The following KIFAP3 variants were observed in gnomAD, a reference collection of about 807,000 sequenced individuals.
The protein encoded by KIFAP3 is kinesin-associated protein 3.
A neutral mutation model predicts 106.5 loss-of-function variants in KIFAP3; 68 were observed. That is an observed-to-expected ratio of 0.64 (90% CI 0.53 to 0.78). The LOEUF is 0.78. Among genes scored for constraint, KIFAP3 ranks in the 30% least tolerant of loss-of-function variants. The probability of loss-of-function intolerance (pLI) is 0.00; values close to 1 mark genes in which losing one functional copy is unlikely to be tolerated. For synonymous variants in KIFAP3, 320 were observed against 311.5 expected, an observed-to-expected ratio of 1.03 and a Z score of -0.29; for missense variants, 780 against 941.8, an observed-to-expected ratio of 0.83 and a Z score of 2.25.
intron 19 of KIFAP3, among the ~76,000 whole-genome samples, chr1:169,943,886 T>G (rs1664273936): frequency 6.6e-6 from 1 of 152,244 alleles, no homozygotes; most frequent in African/African-American, 2.4e-5. Context: ...AGTACAAAGC[T>G]GTACCATAAT....
Position 170,016,591 on chromosome 1 carries a change from T to C in KIFAP3, c.1054A>G (p.Met352Val). The C allele has an allele frequency of 6.3e-7, 1 of 1,595,142 alleles. No individual in the cohort carries two copies. Among genetic ancestry groups the C allele is most frequent in the East Asian group, 2.3e-5 (1 of 43,920 alleles). ...EMDIVEKLVK[M>V]IPCEHEDLLN... ...AGGTCTTCATGCTCACAAGGTATCATTTTCACCAGTTTTTCAACAATATCC... is the reference window on the plus strand; with the variant it reads ...AGGTCTTCATGCTCACAAGGTATCACTTTCACCAGTTTTTCAACAATATCC... The change falls in exon 10 of 20, where the codon ATG becomes GTG. Residue 352 changes from methionine to valine, a missense_variant. Met to Val is a conservative substitution (Grantham distance 21, BLOSUM62 1). Around this residue, in one of 3 missense-constraint regions of KIFAP3, gnomAD observed 588 missense variants for 678.9 expected, o/e 0.87. Coordinates refer to ENST00000361580, the MANE Select transcript of KIFAP3 (RefSeq NM_014970.4).
chr1:170,064,695 T>A (rs1671346823), intron 1 of KIFAP3, among the ~76,000 whole-genome samples: 1 of 152,368 alleles, frequency 6.6e-6, no homozygotes, highest in African/African-American at 2.4e-5. Context: ...TTCCCTTTTA[T>A]TTATGGCTTT....
chr1:169,973,167 T>C (rs2101892031), intron 16 of KIFAP3, among the ~76,000 whole-genome samples: 1 of 119,988 alleles, frequency 8.3e-6, no homozygotes, highest in South Asian at 2.8e-4. Flanking sequence ...AATAAAATAA[T>C]TCAGAAAAGA....
chr1:170,056,463 G>A (rs1341145771), intron 1 of KIFAP3, among the ~76,000 whole-genome samples: 2 of 152,176 alleles, frequency 1.3e-5, no homozygotes, highest in Admixed American at 6.5e-5. Flanking sequence ...ATTTTAGAAG[G>A]CGATAAAGTT....
At chr1:169,922,950 T>C (rs553567788) in intron 19 of KIFAP3, 6 of 257,714 alleles carry the variant, frequency 2.3e-5, no homozygotes, top group Non-Finnish European at 3.0e-5. Context: ...ATTAAAATGT[T>C]AAGGTTTTAA....
chr1:169,953,558 A>C (rs1229529063), intron 19 of KIFAP3, among the ~76,000 whole-genome samples: 5 of 152,096 alleles, frequency 3.3e-5, no homozygotes, highest in Non-Finnish European at 1.5e-5. Context: ...TCTGTCACCC[A>C]GGCTGGAGTG....
chr1:170,084,087 A>G (rs1672063242), intron 1 of KIFAP3, among the ~76,000 whole-genome samples: 1 of 152,212 alleles, frequency 6.6e-6, no homozygotes, highest in African/African-American at 2.4e-5. Flanking sequence ...TTAAAGACGA[A>G]TAATCCCAAT....
At chr1:170,082,956 G>T (rs537890521) in intron 1 of KIFAP3, among the ~76,000 whole-genome samples, 39 of 152,288 alleles carry the variant, frequency 2.6e-4, no homozygotes, top group Non-Finnish European at 3.7e-4. Flanking sequence ...CTGGGCAACA[G>T]AGCAAGACTC....
At chr1:170,028,130 A>G (rs936661384) in intron 8 of KIFAP3, among the ~76,000 whole-genome samples, 11 of 152,170 alleles carry the variant, frequency 7.2e-5, no homozygotes, top group Non-Finnish European at 1.5e-5. Flanking sequence ...CCACTGGTAA[A>G]TATGTCCTAC....
At chr1:170,044,789 C>T (rs1483128579) in intron 3 of KIFAP3, among the ~76,000 whole-genome samples, 1 of 152,162 alleles carries the variant, frequency 6.6e-6, no homozygotes, top group Non-Finnish European at 1.5e-5. Context: ...CAGCTCTTAC[C>T]TGACTGACAA....
Position 170,024,583 on chromosome 1 carries a change from C to A in KIFAP3, c.855G>T (p.Leu285Phe). 2 of 1,543,430 alleles carry A rather than the reference C, an allele frequency of 1.3e-6. No homozygotes were observed. Among genetic ancestry groups the A allele is most frequent in the Non-Finnish European group, 8.7e-7 (1 of 1,148,114 alleles). Residue 285 changes from leucine to phenylalanine, a missense_variant, in exon 9 of 20, where the codon TTG (leucine) becomes TTT (phenylalanine). This residue lies in a region of KIFAP3 where 588 missense variants were observed against 678.9 expected (regional missense o/e 0.87). Transcript: ENST00000361580. ...GAGTATCCTCAGCAAGATTCAGAAGCAAATAAAGAGCAACTAGAAAAGTAA... is the reference window on the plus strand; with the variant it reads ...GAGTATCCTCAGCAAGATTCAGAAGAAAATAAAGAGCAACTAGAAAAGTAA... ...QEQLLRVALY[L>F]LLNLAEDTRT...
intron 11 of KIFAP3, among the ~76,000 whole-genome samples, chr1:169,991,860 A>G (rs1667122305): frequency 6.6e-6 from 1 of 152,102 alleles, no homozygotes; most frequent in Non-Finnish European, 1.5e-5. Context: ...TAATTATGAT[A>G]TATTAATAAA....
intron 8 of KIFAP3, among the ~76,000 whole-genome samples, chr1:170,028,963 A>G (rs988170131): frequency 1.3e-5 from 2 of 152,204 alleles, no homozygotes; most frequent in Non-Finnish European, 2.9e-5. Context: ...ACATACTCAC[A>G]CAAACATGCA....
At chr1:169,992,042 GTAT>G (rs1324921922) in intron 11 of KIFAP3, 110 bp downstream of exon 11, 3 of 434,774 alleles carry the variant, frequency 6.9e-6, no homozygotes, top group African/African-American at 4.1e-5. Flanking sequence ...TAAATTTGTA[GTAT>G]TATTAAGAAG....
intron 5 of KIFAP3, among the ~76,000 whole-genome samples, chr1:170,036,370 T>G (rs1461262375): frequency 6.6e-6 from 1 of 152,100 alleles, no homozygotes; most frequent in Non-Finnish European, 1.5e-5. Flanking sequence ...TGTCCCATAT[T>G]TGAGCTTTCT....
intron 10 of KIFAP3, among the ~76,000 whole-genome samples, chr1:170,007,487 A>G (rs1166372032): frequency 1.3e-5 from 2 of 152,120 alleles, no homozygotes; most frequent in African/African-American, 4.8e-5. Flanking sequence ...AGAAGGTAAA[A>G]GAAGTGACAG....
chr1:170,079,708 ATCTT>A (rs1002070023), upstream of KIFAP3, among the ~76,000 whole-genome samples: 7 of 151,932 alleles, frequency 4.6e-5, no homozygotes, highest in African/African-American at 1.7e-4. Flanking sequence ...TAATGCCTCA[ATCTT>A]TCTTCTTTTT....
At chr1:170,061,215 G>A (rs11484821) in intron 1 of KIFAP3, among the ~76,000 whole-genome samples, 114,695 of 150,806 alleles carry the variant, frequency 0.76, 44,017 homozygotes, top group East Asian at 0.99. Flanking sequence ...TACCATCAGA[G>A]TGAACAGGCA....
intron 11 of KIFAP3, among the ~76,000 whole-genome samples, chr1:169,986,343 T>C (rs1666827928): frequency 6.6e-6 from 1 of 151,934 alleles, no homozygotes; most frequent in African/African-American, 2.4e-5. Context: ...ACCACTCAAA[T>C]TGTTAGGTAT....
Sources: allele counts gnomAD v4.1 joint callset (sites outside exome capture counted in the v4.1 genomes callset), GRCh38; gene constraint gnomAD v4.1.1; regional missense constraint gnomAD v4.1.1; transcripts MANE v1.5; gene names NCBI Gene and HGNC (gene_info 2026-07-23, HGNC 2026-07-21).